CALN1: variants seen among roughly 807,000 people sequenced by gnomAD.
CALN1 encodes the protein calneuron 1, also known as calcium-binding protein 8.
Under a neutral mutation model 30.6 loss-of-function variants are expected in CALN1, and 17 were observed. The observed-to-expected ratio is 0.56, with a 90% CI of 0.38 to 0.83. CALN1 has a LOEUF of 0.83. Among genes scored for constraint, CALN1 ranks in the 40% least tolerant of loss-of-function variants. The probability of loss-of-function intolerance (pLI) is 0.00; values close to 1 mark genes in which losing one functional copy is unlikely to be tolerated. For missense variants in CALN1, 291 were observed against 354.9 expected (o/e 0.82, Z 1.45); for synonymous variants, 156 against 131.4 (o/e 1.19, Z -1.28).
intron 1 of CALN1, among the ~76,000 whole-genome samples, chr7:72,404,961 A>G (rs1426649959): frequency 1.3e-5 from 2 of 152,184 alleles, no homozygotes; most frequent in African/African-American, 4.8e-5. Context: ...CACATAAACC[A>G]ACTAGATGCT....
At chr7:72,502,298 A>AT in the CALN1 span, among the ~76,000 whole-genome samples, 2 of 150,228 alleles carry the variant, frequency 1.3e-5, no homozygotes, top group Non-Finnish European at 1.5e-5. Context: ...AAATCTTCAG[A>AT]TTTTTTAACT....
chr7:71,945,679 G>A (rs1179849285), intron 5 of CALN1, among the ~76,000 whole-genome samples: 1 of 152,210 alleles, frequency 6.6e-6, no homozygotes, highest in East Asian at 1.9e-4. Flanking sequence ...CTGATGATCT[G>A]TCACTGTCTC....
At chr7:72,092,674 T>C (rs1474621993) in intron 4 of CALN1, among the ~76,000 whole-genome samples, 4 of 140,668 alleles carry the variant, frequency 2.8e-5, no homozygotes, top group African/African-American at 1.0e-4. Context: ...ATTCTAAAGT[T>C]ATCATTAGTG....
At chr7:71,951,797 G>C (rs1796705395) in intron 5 of CALN1, among the ~76,000 whole-genome samples, 1 of 152,084 alleles carries the variant, frequency 6.6e-6, no homozygotes, top group African/African-American at 2.4e-5. Context: ...TCAGTGGCTG[G>C]TTCTGGTTGG....
chr7:72,442,734 A>T lies in CALN1; in HGVS notation c.-226+4308T>A, dbSNP rs138904760. Among the ~76,000 whole-genome samples the T allele has an allele frequency of 7.8e-3, 980 of 125,080 alleles. 7 individuals carry two copies. The highest frequency in any genetic ancestry group is 0.029 in the African/African-American group (942 of 32,834). 82.1% of individuals were successfully genotyped at this position (125,080 alleles called of 152,430 possible). ...GGATTGCATTTTATTAAGGGTTGCA[A>T]TTATTTAGGATTGCACTTTATGTAG... On this transcript the variant is annotated intron_variant, in intron 1 of 6. Coordinates refer to the CALN1 transcript ENST00000395276.
At chr7:72,313,710 TTAA>T (rs10547883) in intron 2 of CALN1, among the ~76,000 whole-genome samples, 70,285 of 151,686 alleles carry the variant, frequency 0.46, 17,282 homozygotes, top group South Asian at 0.67. Context: ...ATTAAAAAAT[TTAA>T]TGATGGGACT....
intron 5 of CALN1, among the ~76,000 whole-genome samples, chr7:71,905,350 A>C (rs948066679): frequency 2.0e-5 from 3 of 149,406 alleles, no homozygotes; most frequent in Non-Finnish European, 4.4e-5. Context: ...TGTACCCATC[A>C]CCTGAGTAGT....
At chr7:71,864,488 C>A (rs762178543) in intron 5 of CALN1, among the ~76,000 whole-genome samples, 3 of 152,116 alleles carry the variant, frequency 2.0e-5, no homozygotes, top group African/African-American at 7.2e-5. Context: ...CCTGGAGCCA[C>A]GAGGAACTGA....
intron 5 of CALN1, among the ~76,000 whole-genome samples, chr7:71,996,851 A>C (rs1322197940): frequency 1.3e-5 from 2 of 152,220 alleles, no homozygotes; most frequent in Non-Finnish European, 2.9e-5. Context: ...GAAACAAATG[A>C]AACATAAGAA....
chr7:72,362,388 CCAA>C (rs1383452778), intron 2 of CALN1, among the ~76,000 whole-genome samples: 1 of 152,108 alleles, frequency 6.6e-6, no homozygotes, highest in Non-Finnish European at 1.5e-5. Flanking sequence ...CTCTCCATGG[CCAA>C]CAGAGCACTC....
chr7:72,294,249 G>C (rs914174314), intron 2 of CALN1, among the ~76,000 whole-genome samples: 5 of 152,130 alleles, frequency 3.3e-5, no homozygotes, highest in African/African-American at 1.2e-4. Flanking sequence ...AGTAAATCAT[G>C]AGGAAATATT....
At chr7:72,282,341 G>T (rs1157063415) in intron 2 of CALN1, among the ~76,000 whole-genome samples, 1 of 152,190 alleles carries the variant, frequency 6.6e-6, no homozygotes, top group Non-Finnish European at 1.5e-5. Context: ...CGACTGTCAT[G>T]AAAACAATCT....
At chr7:72,234,434 T>G (rs920687317) in intron 3 of CALN1, among the ~76,000 whole-genome samples, 4 of 151,816 alleles carry the variant, frequency 2.6e-5, no homozygotes, top group Non-Finnish European at 2.9e-5. Flanking sequence ...CACTTGTCTT[T>G]TTTTGTTTTG....
chr7:72,467,135 C>T, the CALN1 span, among the ~76,000 whole-genome samples: 11 of 152,128 alleles, frequency 7.2e-5, no homozygotes, highest in East Asian at 1.9e-3. Context: ...CACTGGGTCA[C>T]GCACACCTCA....
At chr7:72,458,273 A>C in the CALN1 span, among the ~76,000 whole-genome samples, 1 of 65,082 alleles carries the variant, frequency 1.5e-5, no homozygotes, top group African/African-American at 9.3e-5. Flanking sequence ...ATTCTATATT[A>C]TATAATATAT....
intron 5 of CALN1, among the ~76,000 whole-genome samples, chr7:71,968,208 G>T (rs1797622629): frequency 6.6e-6 from 1 of 152,056 alleles, no homozygotes; most frequent in African/African-American, 2.4e-5. Context: ...ACAAAAAAAA[G>T]AAACAGACTC....
chr7:72,411,713 C>G (rs115874363), intron 1 of CALN1, among the ~76,000 whole-genome samples: 115 of 152,282 alleles, frequency 7.6e-4, no homozygotes, highest in African/African-American at 2.8e-3. Flanking sequence ...AACTGGAAGA[C>G]ACAGCCAATC....
At chr7:72,323,257 C>A (rs1008331721) in intron 2 of CALN1, among the ~76,000 whole-genome samples, 3 of 152,048 alleles carry the variant, frequency 2.0e-5, no homozygotes, top group African/African-American at 7.2e-5. Context: ...TCTAACCCTG[C>A]CCTGGATGAA....
At chr7:72,390,282 T>A (rs1301592511) in intron 2 of CALN1, among the ~76,000 whole-genome samples, 2 of 151,672 alleles carry the variant, frequency 1.3e-5, no homozygotes, top group African/African-American at 4.9e-5. Context: ...TACAAAAAAA[T>A]TAGCGGGGCA....
Sources: allele counts gnomAD v4.1 joint callset (sites outside exome capture counted in the v4.1 genomes callset), GRCh38; gene constraint gnomAD v4.1.1; transcripts MANE v1.5; gene names NCBI Gene and HGNC (gene_info 2026-07-23, HGNC 2026-07-21).